Variants in KCND2 observed in about 807,000 individuals in gnomAD.
KCND2 encodes A-type voltage-gated potassium channel KCND2.
KCND2 carries 16 observed loss-of-function variants against 54.4 expected under a neutral mutation model. That is an observed-to-expected ratio of 0.29 (90% CI 0.20 to 0.45). The LOEUF is 0.45. Among genes scored for constraint, KCND2 ranks in the 20% least tolerant of loss-of-function variants. The probability of loss-of-function intolerance (pLI) is 1.00; values close to 1 mark genes in which losing one functional copy is unlikely to be tolerated. For missense variants in KCND2, 486 were observed against 824.2 expected, an observed-to-expected ratio of 0.59 and a Z score of 5.02; for synonymous variants, 317 against 310.7, an observed-to-expected ratio of 1.02 and a Z score of -0.21.
At chr7:120,284,813 C>G (rs1050040070) in intron 1 of KCND2, among the ~76,000 whole-genome samples, 1 of 152,082 alleles carries the variant, frequency 6.6e-6, no homozygotes, top group Admixed American at 6.6e-5. Flanking sequence ...GAGGGTTCCC[C>G]CATTATATTT....
At chr7:120,714,960 A>C (rs913551990) in intron 1 of KCND2, among the ~76,000 whole-genome samples, 7 of 152,086 alleles carry the variant, frequency 4.6e-5, no homozygotes, top group Non-Finnish European at 8.8e-5. Context: ...GGATATCAGA[A>C]ATTAGTGATT....
chr7:120,581,424 A>G (rs745487822), intron 1 of KCND2, among the ~76,000 whole-genome samples: 54 of 152,218 alleles, frequency 3.5e-4, no homozygotes, highest in Non-Finnish European at 7.1e-4. Flanking sequence ...CCTAGAACAG[A>G]CAGTCCTTAT....
chr7:120,657,144 A>C (rs1000682223), intron 1 of KCND2, among the ~76,000 whole-genome samples: 1 of 152,160 alleles, frequency 6.6e-6, no homozygotes, highest in African/African-American at 2.4e-5. Context: ...TCAAGAAGAG[A>C]CATTGTTACT....
intron 1 of KCND2, among the ~76,000 whole-genome samples, chr7:120,694,713 T>C (rs1304496419): frequency 6.6e-6 from 1 of 152,162 alleles, no homozygotes; most frequent in African/African-American, 2.4e-5. Context: ...TGTGCTGTAC[T>C]GGTAAACTGG....
chr7:120,539,724 A>G (rs961101432), intron 1 of KCND2, among the ~76,000 whole-genome samples: 12 of 152,192 alleles, frequency 7.9e-5, no homozygotes, highest in Non-Finnish European at 2.9e-5. Context: ...GCAAATGAAC[A>G]TATCTATAAT....
chr7:120,678,393 A>G lies in KCND2; in HGVS notation c.1116-54510A>G, dbSNP rs1306726149. Among the ~76,000 whole-genome samples the G allele has an allele frequency of 4.1e-3, 560 of 137,898 alleles. 7 individuals carry two copies. The East Asian group carries it at 0.058, about 14-fold the overall frequency. The allele number at this position is 137,898 out of a possible 152,430, so 90.5% of individuals were successfully genotyped here. On this transcript the variant is annotated intron_variant, in intron 1 of 5. Coordinates refer to ENST00000331113, the MANE Select transcript of KCND2 (RefSeq NM_012281.3). ...TATATACGCACACACACATATATAG[A>G]CACATACACACATATATATACACAT...
chr7:120,743,684 G>A (rs1051446638), intron 4 of KCND2, among the ~76,000 whole-genome samples: 1 of 152,120 alleles, frequency 6.6e-6, no homozygotes, highest in Non-Finnish European at 1.5e-5. Context: ...GGTGATACAA[G>A]TACCTGAAGA....
intron 1 of KCND2, among the ~76,000 whole-genome samples, chr7:120,285,993 AAATGAAAGGT>A: frequency 6.6e-6 from 1 of 152,024 alleles, no homozygotes; most frequent in Admixed American, 6.5e-5. Context: ...ATAGTTATCT[AAATGAAAGGT>A]AAGATTTCTT....
chr7:120,392,220 G>A (rs1801089866), intron 1 of KCND2, among the ~76,000 whole-genome samples: 2 of 152,154 alleles, frequency 1.3e-5, no homozygotes, highest in East Asian at 3.9e-4. Flanking sequence ...AGATCAGATG[G>A]TTGTAGATGT....
intron 5 of KCND2, chr7:120,746,693 A>G (rs1325933013): frequency 1.3e-5 from 2 of 152,868 alleles, no homozygotes; most frequent in Admixed American, 1.3e-4. Context: ...GTGTAAAAAT[A>G]AAAAGTTGTA....
chr7:120,488,586 C>G (rs55868329), intron 1 of KCND2, among the ~76,000 whole-genome samples: 7,650 of 152,064 alleles, frequency 0.05, 280 homozygotes, highest in Admixed American at 0.092. Flanking sequence ...ATTATCGTAA[C>G]CACAACAGTA....
At chr7:120,647,730 C>T (rs1379558586) in intron 1 of KCND2, among the ~76,000 whole-genome samples, 2 of 152,028 alleles carry the variant, frequency 1.3e-5, no homozygotes, top group Non-Finnish European at 2.9e-5. Context: ...TTAACTTTGC[C>T]GTAAGTTTTC....
chr7:120,464,348 C>T (rs1468367935), intron 1 of KCND2, among the ~76,000 whole-genome samples: 2 of 152,000 alleles, frequency 1.3e-5, no homozygotes, highest in African/African-American at 4.8e-5. Flanking sequence ...GAATAATACA[C>T]AATATCTGTC....
At position 120,414,947 on chromosome 7, in the gene KCND2, G is replaced by A. The variant is rs148226359; in HGVS notation, c.1115+139200G>A. ...TGGATCATCATGTCAATAAGTACAT[G>A]TCAATATCCCAATTTCCCTTGCCCC... On this transcript the variant is annotated intron_variant, in intron 1 of 5. Coordinates refer to ENST00000331113, the MANE Select transcript of KCND2 (RefSeq NM_012281.3). Among the ~76,000 whole-genome samples, 413 of 152,068 alleles carry A rather than the reference G, an allele frequency of 2.7e-3. 8 individuals are homozygous for A. The highest frequency in any genetic ancestry group is 0.012 in the Admixed American group (188 of 15,240).
intron 1 of KCND2, among the ~76,000 whole-genome samples, chr7:120,652,083 C>CTT (rs375071156): frequency 1.4e-4 from 20 of 146,308 alleles, no homozygotes; most frequent in African/African-American, 4.5e-4. Flanking sequence ...TTTTTTTTTC[C>CTT]TTTTTTTTTT....
intron 1 of KCND2, among the ~76,000 whole-genome samples, chr7:120,590,971 G>A (rs1237349420): frequency 6.6e-6 from 1 of 151,628 alleles, no homozygotes; most frequent in African/African-American, 2.4e-5. Context: ...TTTTTTTCTT[G>A]GGCTGCTAGA....
chr7:120,656,865 A>G (rs923737671), intron 1 of KCND2, among the ~76,000 whole-genome samples: 1 of 152,184 alleles, frequency 6.6e-6, no homozygotes, highest in Non-Finnish European at 1.5e-5. Context: ...GGAGGTGTAT[A>G]AAGGGGAACA....
chr7:120,741,331 G>A (rs554850545), intron 2 of KCND2, among the ~76,000 whole-genome samples: 5 of 152,228 alleles, frequency 3.3e-5, no homozygotes, highest in African/African-American at 1.2e-4. Context: ...CAGCTCCAAG[G>A]TAGTTCATTG....
intron 1 of KCND2, among the ~76,000 whole-genome samples, chr7:120,439,294 G>T (rs1206553398): frequency 6.6e-6 from 1 of 151,936 alleles, no homozygotes; most frequent in South Asian, 2.1e-4. Flanking sequence ...TGTTCTCTTT[G>T]TTCTGAAATA....
Sources: gnomAD v4.1 joint callset for allele counts (sites outside exome capture counted in the v4.1 genomes callset) on GRCh38, gnomAD v4.1.1 for gene constraint, MANE v1.5 for transcripts, NCBI Gene and HGNC (gene_info 2026-07-23, HGNC 2026-07-21) for gene names.